NEIL3: variants seen among roughly 807,000 people sequenced by gnomAD.
NEIL3 encodes endonuclease 8-like 3.
A neutral mutation model predicts 57.5 loss-of-function variants in NEIL3; 48 were observed. That is an observed-to-expected ratio of 0.83 (90% CI 0.66 to 1.06). The LOEUF (loss-of-function observed/expected upper bound fraction) is 1.06, where lower values mean the gene tolerates loss of function less well. Ranked by LOEUF, NEIL3 falls within the 50% of genes least tolerant of loss-of-function variation. NEIL3 has a pLI of 0.00. For missense variants in NEIL3, 717 were observed against 739.1 expected (o/e 0.97, Z 0.35); for synonymous variants, 261 against 253.2 (o/e 1.03, Z -0.29).
chr4:177,349,540 C>T (rs1735308047), intron 6 of NEIL3, among the ~76,000 whole-genome samples: 1 of 152,142 alleles, frequency 6.6e-6, no homozygotes, highest in Non-Finnish European at 1.5e-5. Context: ...AAGGGACCAT[C>T]AGCTAATCCA....
intron 2 of NEIL3, among the ~76,000 whole-genome samples, chr4:177,328,623 G>T (rs572285637): frequency 6.6e-6 from 1 of 151,678 alleles, no homozygotes; most frequent in Non-Finnish European, 1.5e-5. Flanking sequence ...AGACTTTTTC[G>T]AAAAAAAGAA....
intron 2 of NEIL3, among the ~76,000 whole-genome samples, chr4:177,332,212 G>A (rs1734897401): frequency 6.6e-6 from 1 of 152,162 alleles, no homozygotes; most frequent in African/African-American, 2.4e-5. Flanking sequence ...GTGTACTTGG[G>A]TCAGAGAGCT....
intron 1 of NEIL3, among the ~76,000 whole-genome samples, chr4:177,319,408 C>T (rs1466693041): frequency 2.0e-5 from 3 of 152,050 alleles, no homozygotes; most frequent in East Asian, 3.9e-4. Context: ...ATTGGCCAAT[C>T]GGACATTAGA....
intron 4 of NEIL3, among the ~76,000 whole-genome samples, chr4:177,339,462 A>C (rs1006457022): frequency 2.0e-5 from 3 of 152,154 alleles, no homozygotes; most frequent in African/African-American, 7.2e-5. Context: ...GTCTCTAAAA[A>C]AACAGAAGAA....
chr4:177,309,924 A>T lies in NEIL3; in HGVS notation c.-30A>T. 2 of 1,599,738 alleles carry T rather than the reference A, an allele frequency of 1.3e-6. No homozygotes were observed. The highest frequency in any genetic ancestry group is 1.7e-6 in the Non-Finnish European group (2 of 1,174,398). On this transcript the variant is annotated 5_prime_UTR_variant, in exon 1 of 10. Transcript: ENST00000264596. Reference sequence around the variant, plus strand: ...CAGCGGTATTCTCACCAGGCCCTGCAATCGGTGGGCCACAGTGCCGGCCAC... The same window carrying T: ...CAGCGGTATTCTCACCAGGCCCTGCTATCGGTGGGCCACAGTGCCGGCCAC...
At chr4:177,352,668 A>G (rs1735382301) in intron 7 of NEIL3, among the ~76,000 whole-genome samples, 1 of 151,970 alleles carries the variant, frequency 6.6e-6, no homozygotes, top group African/African-American at 2.4e-5. Context: ...ATCTCTACTA[A>G]AAATACAAAA....
chr4:177,364,361 G>A (rs1735665084), downstream of NEIL3, among the ~76,000 whole-genome samples: 1 of 152,148 alleles, frequency 6.6e-6, no homozygotes, highest in African/African-American at 2.4e-5. Flanking sequence ...AGAATAGGCT[G>A]GAGGTGATTT....
chr4:177,371,005 T>C, the NEIL3 span, among the ~76,000 whole-genome samples: 2 of 152,176 alleles, frequency 1.3e-5, no homozygotes. Context: ...AGTATCTATA[T>C]TTATGTGGGC....
chr4:177,352,829 C>CAAA (rs770674004), intron 7 of NEIL3, among the ~76,000 whole-genome samples: 1 of 109,422 alleles, frequency 9.1e-6, no homozygotes, highest in Non-Finnish European at 2.1e-5. Flanking sequence ...GACTCCGTTT[C>CAAA]AAAAAAAAAA....
chr4:177,310,203 G>T, intron 1 of NEIL3, 94 bp downstream of exon 1: 2 of 1,317,076 alleles, frequency 1.5e-6, no homozygotes, highest in Admixed American at 3.7e-5. Context: ...TCATCTCTTT[G>T]CTCTGGCCCA....
intron 2 of NEIL3, 111 bp from the exon 3 acceptor site, chr4:177,335,577 C>A: frequency 1.1e-6 from 1 of 920,200 alleles, no homozygotes; most frequent in Admixed American, 2.3e-5. Flanking sequence ...AAGTGTCTAT[C>A]CTGACTAACA....
At chr4:177,354,153 A>C (rs1285411647) in intron 8 of NEIL3, 1 of 168,282 alleles carries the variant, frequency 5.9e-6, no homozygotes, top group Non-Finnish European at 1.3e-5. Flanking sequence ...ACCCTAAAAG[A>C]CTATTATAGT....
At chr4:177,339,761 C>G in intron 4 of NEIL3, 22 bp from the exon 5 acceptor site, 7 of 1,547,470 alleles carry the variant, frequency 4.5e-6, no homozygotes, top group Non-Finnish European at 6.2e-6. Context: ...AAACTAGGCT[C>G]TGCTGTTTTT....
At chr4:177,317,022 G>C (rs1419153799) in intron 1 of NEIL3, among the ~76,000 whole-genome samples, 1 of 152,096 alleles carries the variant, frequency 6.6e-6, no homozygotes, top group Non-Finnish European at 1.5e-5. Context: ...TTCAAGCCAA[G>C]GTCATATAGC....
intron 2 of NEIL3, among the ~76,000 whole-genome samples, chr4:177,333,982 A>G (rs571285424): frequency 6.6e-5 from 10 of 152,212 alleles, no homozygotes; most frequent in Non-Finnish European, 1.5e-4. Context: ...ATGCAGAGTG[A>G]ATTGTCTTGG....
intron 6 of NEIL3, among the ~76,000 whole-genome samples, chr4:177,347,991 T>C (rs1034851763): frequency 2.0e-5 from 3 of 152,240 alleles, no homozygotes; most frequent in African/African-American, 7.2e-5. Context: ...CATCTTTTAT[T>C]ACGGCTAGAT....
At chr4:177,332,958 T>C (rs1234880663) in intron 2 of NEIL3, among the ~76,000 whole-genome samples, 1 of 152,204 alleles carries the variant, frequency 6.6e-6, no homozygotes, top group Non-Finnish European at 1.5e-5. Context: ...TGATTTTTTT[T>C]CTCCTTGTTG....
chr4:177,333,633 C>T (rs35917216), intron 2 of NEIL3, among the ~76,000 whole-genome samples: 12,491 of 152,220 alleles, frequency 0.082, 580 homozygotes, highest in South Asian at 0.11. Flanking sequence ...TCACTCTGCT[C>T]CTCACTGAAA....
Position 177,356,860 on chromosome 4 carries a change from G to A in NEIL3, c.1460+3132G>A, listed in dbSNP as rs376500353. The A allele has an allele frequency of 1.1e-4, 17 of 152,268 alleles. 1 individual carries two copies. The highest frequency in any genetic ancestry group is 3.9e-4 in the African/African-American group (16 of 41,554). 9.4% of individuals were successfully genotyped at this position (152,268 alleles called of 1,614,324 possible). On this transcript the variant is annotated intron_variant, in intron 8 of 9. Transcript: ENST00000264596. Reference sequence around the variant, plus strand: ...AGTTTAAGTTGTCGATCCAATTACTGTAAACACAGAGCAAAACACAGTGAT... The same window carrying A: ...AGTTTAAGTTGTCGATCCAATTACTATAAACACAGAGCAAAACACAGTGAT...
Sources: gnomAD v4.1 joint callset for allele counts (sites outside exome capture counted in the v4.1 genomes callset) on GRCh38, gnomAD v4.1.1 for gene constraint, MANE v1.5 for transcripts, NCBI Gene and HGNC (gene_info 2026-07-23, HGNC 2026-07-21) for gene names.